COMMD10: variants seen among roughly 807,000 people sequenced by gnomAD.
The protein encoded by COMMD10 is COMM domain-containing protein 10.
In COMMD10, 33 loss-of-function variants were observed where a neutral mutation model predicts 28.9. The observed-to-expected ratio is 1.14, with a 90% CI of 0.87 to 1.53. The LOEUF is 1.53. Ranked by LOEUF, COMMD10 falls within the 40% of genes most tolerant of loss-of-function variation. COMMD10 has a pLI of 0.00. For missense variants in COMMD10, 310 were observed against 233.4 expected (o/e 1.33, Z -2.14); for synonymous variants, 110 against 81.7 (o/e 1.35, Z -1.87).
chr5:116,248,224 G>A (rs1020318716), intron 5 of COMMD10, among the ~76,000 whole-genome samples: 1 of 151,708 alleles, frequency 6.6e-6, no homozygotes, highest in Non-Finnish European at 1.5e-5. Context: ...ATCCTTCTAT[G>A]ACCTTGAATT....
intron 5 of COMMD10, among the ~76,000 whole-genome samples, chr5:116,283,746 T>G (rs1751139938): frequency 6.6e-6 from 1 of 151,854 alleles, no homozygotes; most frequent in South Asian, 2.1e-4. Flanking sequence ...CCATTGATAC[T>G]GCTGTTAAAC....
chr5:116,275,482 G>C (rs568182397), intron 5 of COMMD10, among the ~76,000 whole-genome samples: 1 of 151,764 alleles, frequency 6.6e-6, no homozygotes, highest in African/African-American at 2.4e-5. Flanking sequence ...TTAGGGCAAA[G>C]TATGTCATTT....
At chr5:116,153,133 A>G (rs575151051) in intron 5 of COMMD10, among the ~76,000 whole-genome samples, 14 of 152,254 alleles carry the variant, frequency 9.2e-5, no homozygotes, top group African/African-American at 3.1e-4. Flanking sequence ...TATTTTGGCT[A>G]TATGTTTCCT....
intron 5 of COMMD10, among the ~76,000 whole-genome samples, chr5:116,160,283 G>C (rs145678609): frequency 7.2e-5 from 11 of 152,208 alleles, no homozygotes; most frequent in Non-Finnish European, 1.6e-4. Flanking sequence ...CAAACTATGA[G>C]TTTTTAAAAA....
In COMMD10 at chr5:116,107,466, A is replaced by G. The variant is rs530762128; in HGVS notation, c.399+14766A>G. On this transcript the variant is annotated intron_variant, in intron 4 of 6. Coordinates refer to ENST00000274458, the MANE Select transcript of COMMD10 (RefSeq NM_016144.4). ...TGATATCCTTTCTTTTGCTTTATCG[A>G]TTCGGCTATTGATACTTGTGTATGC... 3.2e-4 allele frequency among the ~76,000 whole-genome samples: 49 copies of G among 151,950 alleles called. 1 individual carries two copies. The South Asian group carries it at 9.4e-3, about 29-fold the overall frequency.
chr5:116,110,851 T>A (rs1337156410), intron 4 of COMMD10, among the ~76,000 whole-genome samples: 1 of 152,058 alleles, frequency 6.6e-6, no homozygotes, highest in African/African-American at 2.4e-5. Flanking sequence ...TCAAGAGAAT[T>A]CACTATTGTG....
chr5:116,142,703 G>C (rs1752231705), intron 5 of COMMD10, among the ~76,000 whole-genome samples: 1 of 151,588 alleles, frequency 6.6e-6, no homozygotes, highest in African/African-American at 2.4e-5. Flanking sequence ...TAATATTATA[G>C]CGCCCCCTCT....
intron 5 of COMMD10, among the ~76,000 whole-genome samples, chr5:116,158,768 T>G (rs868236181): frequency 2.6e-5 from 4 of 152,132 alleles, no homozygotes; most frequent in African/African-American, 9.7e-5. Flanking sequence ...TGACTTTCAT[T>G]AATCTAATGG....
At chr5:116,189,000 C>T (rs7718502) in intron 5 of COMMD10, among the ~76,000 whole-genome samples, 12 of 152,230 alleles carry the variant, frequency 7.9e-5, no homozygotes, top group Non-Finnish European at 2.9e-5. Flanking sequence ...CATTTGCCAC[C>T]TAATTCCTTA....
intron 5 of COMMD10, among the ~76,000 whole-genome samples, chr5:116,260,258 T>A (rs760177677): frequency 6.6e-6 from 1 of 151,834 alleles, no homozygotes; most frequent in African/African-American, 2.4e-5. Flanking sequence ...ATATTGCTGA[T>A]GTTTAATGAA....
intron 5 of COMMD10, among the ~76,000 whole-genome samples, chr5:116,142,987 A>G (rs114385931): frequency 0.014 from 2,128 of 150,784 alleles, 58 homozygotes; most frequent in African/African-American, 0.049. Flanking sequence ...CAATTTCTCA[A>G]TGAAATTATC....
chr5:116,100,419 A>AT (rs555930607), intron 4 of COMMD10, among the ~76,000 whole-genome samples: 74 of 148,412 alleles, frequency 5.0e-4, no homozygotes, highest in African/African-American at 1.7e-3. Flanking sequence ...TTTTTCCTGT[A>AT]TTTTTTTCTA....
At chr5:116,140,490 G>A (rs1159084260) in intron 5 of COMMD10, among the ~76,000 whole-genome samples, 1 of 151,628 alleles carries the variant, frequency 6.6e-6, no homozygotes, top group Non-Finnish European at 1.5e-5. Context: ...ATTTTTGGAG[G>A]AACCTTCAAA....
At chr5:116,106,800 C>G (rs991745285) in intron 4 of COMMD10, among the ~76,000 whole-genome samples, 9 of 151,928 alleles carry the variant, frequency 5.9e-5, no homozygotes, top group Non-Finnish European at 1.2e-4. Context: ...GGATTGCAAC[C>G]CCTCCTTTTT....
rs1413825772 is a variant in COMMD10, at chr5:116,293,088, A to G, written c.*599A>G. ...TCTCTCTCAGTTTAATGATTTAATAATAGTCCAGGTTTTTGTGTGTTTTTC... is the reference window on the plus strand; with the variant it reads ...TCTCTCTCAGTTTAATGATTTAATAGTAGTCCAGGTTTTTGTGTGTTTTTC... On this transcript the variant is annotated 3_prime_UTR_variant, in exon 7 of 7. Coordinates refer to ENST00000274458, the MANE Select transcript of COMMD10 (RefSeq NM_016144.4). 2.5e-6 allele frequency: 1 copy of G among 396,938 alleles called. No homozygotes were observed. Among genetic ancestry groups the G allele is most frequent in the Non-Finnish European group, 4.4e-6 (1 of 224,946 alleles). 24.6% of individuals were successfully genotyped at this position (396,938 alleles called of 1,614,324 possible).
Position 116,139,468 on chromosome 5 carries a change from A to C in COMMD10, c.510+5290A>C, listed in dbSNP as rs149196792. On this transcript the variant is annotated intron_variant, in intron 5 of 6. Coordinates refer to ENST00000274458, the MANE Select transcript of COMMD10 (RefSeq NM_016144.4). ...TTTCTCAGAGAAAAATATGTATGCT[A>C]TTCAAATCATGAATTCTTGTTATAG... Among the ~76,000 whole-genome samples the C allele has an allele frequency of 7.2e-5, 11 of 151,862 alleles. No homozygotes were observed. In the East Asian group the frequency reaches 1.9e-3, roughly 27 times the overall value.
chr5:116,121,202 G>T (rs996788773), intron 4 of COMMD10, among the ~76,000 whole-genome samples: 15 of 151,498 alleles, frequency 9.9e-5, no homozygotes, highest in Non-Finnish European at 1.2e-4. Flanking sequence ...TCATTGTTCA[G>T]TTCCCACCTA....
rs1265830133 is a variant in COMMD10, at chr5:116,280,367, G to T, written c.511-11150G>T. On this transcript the variant is annotated intron_variant, in intron 5 of 6. Transcript: ENST00000274458. Reference sequence around the variant, plus strand: ...GCTGGTGCCCTTTGAGCCAGAGCTGGTTGTGACATCAATTATTATCCCTTT... The same window carrying T: ...GCTGGTGCCCTTTGAGCCAGAGCTGTTTGTGACATCAATTATTATCCCTTT... 1.3e-4 allele frequency among the ~76,000 whole-genome samples: 20 copies of T among 151,948 alleles called. No homozygotes were observed. In the East Asian group the frequency reaches 3.7e-3, roughly 28 times the overall value.
Position 116,148,459 on chromosome 5 carries a change from A to G in COMMD10, c.510+14281A>G, listed in dbSNP as rs952867522. Among the ~76,000 whole-genome samples, 4 of 151,840 alleles carry G rather than the reference A, an allele frequency of 2.6e-5. No homozygotes were observed. The South Asian group carries it at 8.3e-4, about 31-fold the overall frequency. ...ATTATAAAGGGGTAATTTTACCCAT[A>G]TTTAATGTGCTGCTACCTCCTTGGT... On this transcript the variant is annotated intron_variant, in intron 5 of 6. Transcript: ENST00000274458.
Sources: allele counts gnomAD v4.1 joint callset (sites outside exome capture counted in the v4.1 genomes callset), GRCh38; gene constraint gnomAD v4.1.1; transcripts MANE v1.5; gene names NCBI Gene and HGNC (gene_info 2026-07-23, HGNC 2026-07-21).